Variants in TMEM192 observed in about 807,000 individuals in gnomAD.
TMEM192 encodes the protein transmembrane protein 192.
A neutral mutation model predicts 26.7 loss-of-function variants in TMEM192; 20 were observed. That is an observed-to-expected ratio of 0.75 (90% CI 0.53 to 1.09). The LOEUF is 1.09. TMEM192 is among the 50% of genes least tolerant of loss of function. The pLI is 0.00. For synonymous variants in TMEM192, 124 were observed against 121.0 expected, an observed-to-expected ratio of 1.02 and a Z score of -0.16; for missense variants, 304 against 322.6, an observed-to-expected ratio of 0.94 and a Z score of 0.44.
chr4:165,081,351 T>C (rs1209957243), intron 5 of TMEM192, among the ~76,000 whole-genome samples: 5 of 151,740 alleles, frequency 3.3e-5, no homozygotes, highest in Admixed American at 6.6e-5. Flanking sequence ...TCAACTCTTG[T>C]ATATACTGAC....
At position 165,079,606 on chromosome 4, in the gene TMEM192, A is replaced by G. The variant is rs1207743548; in HGVS notation, c.*52T>C. The stretch of plus-strand genomic sequence containing the variant: ...GTGGCAGCTTGTCAGGTGGTCAGTC[A>G]GTCTCAATTACTCTGGGTTCCTCTG... On this transcript the variant is annotated 3_prime_UTR_variant, in exon 6 of 6. Transcript: ENST00000306480. 1 of 1,540,908 alleles carries G rather than the reference A, an allele frequency of 6.5e-7. No homozygotes were observed. Among genetic ancestry groups the G allele is most frequent in the African/African-American group, 1.4e-5 (1 of 72,108 alleles).
intron 3 of TMEM192, among the ~76,000 whole-genome samples, chr4:165,090,377 A>G (rs896580850): frequency 4.0e-5 from 6 of 150,902 alleles, no homozygotes; most frequent in African/African-American, 1.5e-4. Flanking sequence ...GCGAGACTCC[A>G]TTTCAAAAAA....
intron 3 of TMEM192, among the ~76,000 whole-genome samples, chr4:165,095,679 G>A (rs927214954): frequency 3.9e-5 from 6 of 152,122 alleles, no homozygotes; most frequent in Non-Finnish European, 8.8e-5. Flanking sequence ...ATGATGGGTT[G>A]AAAATTACTA....
At chr4:165,110,098 A>G (rs1735259065) in intron 1 of TMEM192, among the ~76,000 whole-genome samples, 1 of 152,198 alleles carries the variant, frequency 6.6e-6, no homozygotes. Context: ...TATGCAGTGT[A>G]ACCATACAAA....
chr4:165,091,443 C>T (rs770412480), intron 3 of TMEM192, among the ~76,000 whole-genome samples: 3 of 152,188 alleles, frequency 2.0e-5, no homozygotes, highest in South Asian at 2.1e-4. Context: ...TGTTGAAGGA[C>T]ACCCAGATGG....
chr4:165,109,921 G>A lies in TMEM192; in HGVS notation c.27+2826C>T, dbSNP rs551228600. 2.6e-5 allele frequency among the ~76,000 whole-genome samples: 4 copies of A among 152,120 alleles called. No individual in the cohort carries two copies. In the South Asian group the frequency reaches 8.3e-4, roughly 32 times the overall value. On this transcript the variant is annotated intron_variant, in intron 1 of 5. Coordinates refer to ENST00000306480, the MANE Select transcript of TMEM192 (RefSeq NM_001100389.2). ...GCTTTAAAATCCTATAAAACTTATT[G>A]CCCATAATATTCATTTGGAATATTT...
intron 3 of TMEM192, among the ~76,000 whole-genome samples, chr4:165,090,183 C>G (rs1326464832): frequency 7.4e-6 from 1 of 134,624 alleles, no homozygotes; most frequent in Non-Finnish European, 1.5e-5. Context: ...TGCACTCCAG[C>G]CTGGGCAACA....
In TMEM192 at chr4:165,082,971, G is replaced by T. The variant is rs1286365668; in HGVS notation, c.677+2615C>A. On this transcript the variant is annotated intron_variant, in intron 5 of 5. Coordinates refer to ENST00000306480, the MANE Select transcript of TMEM192 (RefSeq NM_001100389.2). ...GGCTGGTCTGAACTTCTGACCTCAGGTGATGCACCCGCCTCGGCCTCACAA... is the reference window on the plus strand; with the variant it reads ...GGCTGGTCTGAACTTCTGACCTCAGTTGATGCACCCGCCTCGGCCTCACAA... Among the ~76,000 whole-genome samples the T allele has an allele frequency of 5.1e-5, 2 of 39,210 alleles. 1 individual carries two copies. The highest frequency in any genetic ancestry group is 9.2e-5 in the African/African-American group (2 of 21,854). The allele number at this position is 39,210 out of a possible 152,430, so 25.7% of individuals were successfully genotyped here.
At chr4:165,106,033 G>A (rs1735152049) in intron 1 of TMEM192, among the ~76,000 whole-genome samples, 1 of 152,168 alleles carries the variant, frequency 6.6e-6, no homozygotes, top group Non-Finnish European at 1.5e-5. Flanking sequence ...CAGGGCTCTT[G>A]GCACCTTGAT....
chr4:165,089,367 C>A (rs1734700519), intron 3 of TMEM192, among the ~76,000 whole-genome samples: 1 of 152,038 alleles, frequency 6.6e-6, no homozygotes, highest in African/African-American at 2.4e-5. Context: ...GTCGCCCAGG[C>A]TGGAGTGCAG....
rs552353454 is a variant in TMEM192 at position 165,071,688 on chromosome 4, T to G, written c.*7970A>C. The G allele has an allele frequency of 6.6e-6, 1 of 152,144 alleles. No homozygotes were observed. The highest frequency in any genetic ancestry group is 1.5e-5 in the Non-Finnish European group (1 of 68,104). 9.4% of individuals were successfully genotyped at this position (152,144 alleles called of 1,614,324 possible). On this transcript the variant is annotated 3_prime_UTR_variant, in exon 6 of 6. Transcript: ENST00000306480. Reference sequence around the variant, plus strand: ...AACCGCAAAGGTCCTCAGGTAAGAATGTGCTTAGCAATCCAAAAGCCACAG... The same window carrying G: ...AACCGCAAAGGTCCTCAGGTAAGAAGGTGCTTAGCAATCCAAAAGCCACAG...
intron 3 of TMEM192, among the ~76,000 whole-genome samples, chr4:165,093,152 G>A (rs1229113133): frequency 4.3e-5 from 6 of 140,934 alleles, no homozygotes; most frequent in East Asian, 2.1e-4. Flanking sequence ...GCTGGAGCGC[G>A]GTGGCACGAT....
At position 165,103,113 on chromosome 4, in the gene TMEM192, C is replaced by T. The variant is rs1735078406; in HGVS notation, c.28-17G>A. ...CAAGGAACCCTGGGGTGCAGAAAAA[C>T]AAGCAACCTATAATCACCACTTTCT... On this transcript the variant is annotated splice_polypyrimidine_tract_variant and intron_variant, in intron 1 of 5. Coordinates refer to ENST00000306480, the MANE Select transcript of TMEM192 (RefSeq NM_001100389.2). 1.9e-6 allele frequency: 3 copies of T among 1,590,854 alleles called. No homozygotes were observed. The highest frequency in any genetic ancestry group is 4.5e-5 in the East Asian group (2 of 44,526).
chr4:165,081,012 G>A (rs1734506966), intron 5 of TMEM192, among the ~76,000 whole-genome samples: 2 of 152,080 alleles, frequency 1.3e-5, no homozygotes, highest in South Asian at 4.1e-4. Flanking sequence ...ACCGCGCCCA[G>A]CCAATAACCA....
chr4:165,108,361 T>C (rs1181469654), intron 1 of TMEM192, among the ~76,000 whole-genome samples: 1 of 152,106 alleles, frequency 6.6e-6, no homozygotes, highest in African/African-American at 2.4e-5. Flanking sequence ...GACCTCGTGA[T>C]CCGCTCGCCT....
In TMEM192 at chr4:165,077,780, C is replaced by T. The variant is rs1206106417; in HGVS notation, c.*1878G>A. 2 of 151,856 alleles carry T rather than the reference C, an allele frequency of 1.3e-5. No homozygotes were observed. The highest frequency in any genetic ancestry group is 4.8e-5 in the African/African-American group (2 of 41,270). 9.4% of individuals were successfully genotyped at this position (151,856 alleles called of 1,614,324 possible). A position where few individuals can be genotyped will look rare whatever the true frequency, so the allele number is the denominator to read the frequency against. ...AAAGAAAGAAAGGCGCCATTGCACT[C>T]CAGCCTGGGCGACAGGGTGAGACTC... is the stretch of plus-strand genomic sequence containing the variant. On this transcript the variant is annotated 3_prime_UTR_variant, in exon 6 of 6. Coordinates refer to ENST00000306480, the MANE Select transcript of TMEM192 (RefSeq NM_001100389.2).
At chr4:165,085,542 C>T in intron 5 of TMEM192, 44 bp downstream of exon 5, 2 of 1,318,970 alleles carry the variant, frequency 1.5e-6, no homozygotes, top group Non-Finnish European at 2.1e-6. Flanking sequence ...TTCTAGCTTT[C>T]TAGGGGAAAA....
chr4:165,110,837 T>C (rs1735278802), intron 1 of TMEM192, among the ~76,000 whole-genome samples: 1 of 152,262 alleles, frequency 6.6e-6, no homozygotes, highest in Non-Finnish European at 1.5e-5. Flanking sequence ...ACTCACCCTA[T>C]AGCCTTTCGA....
intron 3 of TMEM192, among the ~76,000 whole-genome samples, chr4:165,094,848 C>A (rs1734856916): frequency 6.6e-6 from 1 of 151,862 alleles, no homozygotes; most frequent in Non-Finnish European, 1.5e-5. Context: ...GTAGCGCACA[C>A]CTGTAATCCC....
Sources: allele counts gnomAD v4.1 joint callset (sites outside exome capture counted in the v4.1 genomes callset), GRCh38; gene constraint gnomAD v4.1.1; transcripts MANE v1.5; gene names NCBI Gene and HGNC (gene_info 2026-07-23, HGNC 2026-07-21).